The following HTR1F variants were observed in gnomAD, a reference collection of about 807,000 sequenced individuals.
HTR1F encodes the protein 5-hydroxytryptamine (serotonin) receptor 1F, G protein-coupled.
A neutral mutation model predicts 24.0 loss-of-function variants in HTR1F; 17 were observed. That is an observed-to-expected ratio of 0.71 (90% CI 0.48 to 1.06). The LOEUF (loss-of-function observed/expected upper bound fraction) is 1.06. Ranked by LOEUF, HTR1F falls within the 50% of genes least tolerant of loss-of-function variation. HTR1F has a pLI of 0.00. For synonymous variants in HTR1F, 186 were observed against 156.8 expected, an observed-to-expected ratio of 1.19 and a Z score of -1.39; for missense variants, 391 against 427.8, an observed-to-expected ratio of 0.91 and a Z score of 0.76.
At position 87,914,871 on chromosome 3, in the gene HTR1F, T is replaced by C. The variant is rs530389007; in HGVS notation, c.-42-75837T>C. Among the ~76,000 whole-genome samples, 44 of 152,134 alleles carry C rather than the reference T, an allele frequency of 2.9e-4. No individual in the cohort carries two copies. In the South Asian group the frequency reaches 9.1e-3, roughly 32 times the overall value. On this transcript the variant is annotated intron_variant, in intron 2 of 2. Transcript: ENST00000319595. ...ATGCTCTCTGGAAAGCACCACCCCCTGGCAGGAGGCCAGCCAGCACAAAAA... is the reference window on the plus strand; with the variant it reads ...ATGCTCTCTGGAAAGCACCACCCCCCGGCAGGAGGCCAGCCAGCACAAAAA...
At chr3:87,861,488 A>C (rs1393268015) in intron 2 of HTR1F, among the ~76,000 whole-genome samples, 1 of 152,174 alleles carries the variant, frequency 6.6e-6, no homozygotes, top group Non-Finnish European at 1.5e-5. Flanking sequence ...ATGCTTTTAC[A>C]AGGACTGTAT....
intron 2 of HTR1F, among the ~76,000 whole-genome samples, chr3:87,878,091 A>G (rs965635184): frequency 6.6e-6 from 1 of 152,214 alleles, no homozygotes; most frequent in African/African-American, 2.4e-5. Context: ...TTAAGTTTAA[A>G]TAGATTGAGA....
At chr3:87,821,805 T>C (rs973262824) in intron 1 of HTR1F, among the ~76,000 whole-genome samples, 1 of 152,102 alleles carries the variant, frequency 6.6e-6, no homozygotes, top group Non-Finnish European at 1.5e-5. Flanking sequence ...CTATTACAGC[T>C]GATCTTCATC....
intron 2 of HTR1F, among the ~76,000 whole-genome samples, chr3:87,938,676 C>A (rs1260765564): frequency 6.6e-6 from 1 of 152,086 alleles, no homozygotes; most frequent in African/African-American, 2.4e-5. Flanking sequence ...GTGACAAAAA[C>A]AAGAAATGGG....
At chr3:87,923,919 A>T (rs954128943) in intron 2 of HTR1F, among the ~76,000 whole-genome samples, 5 of 151,992 alleles carry the variant, frequency 3.3e-5, no homozygotes, top group African/African-American at 1.2e-4. Flanking sequence ...GGATGTTTGC[A>T]TCTCTGTTCA....
chr3:87,946,186 C>T lies in HTR1F; in HGVS notation c.-42-44522C>T, dbSNP rs182761963. Reference sequence around the variant, plus strand: ...GCGCATCGCTGGATCAGGAGCACAGCGGACACCCTGCCGGATCCAGAGGGG... The same window carrying T: ...GCGCATCGCTGGATCAGGAGCACAGTGGACACCCTGCCGGATCCAGAGGGG... On this transcript the variant is annotated intron_variant, in intron 2 of 2. Transcript: ENST00000319595. Among the ~76,000 whole-genome samples the T allele has an allele frequency of 5.3e-5, 8 of 152,284 alleles. No homozygotes were observed. In the South Asian group the frequency reaches 8.3e-4, roughly 16 times the overall value.
At chr3:87,945,845 C>T (rs112553175) in intron 2 of HTR1F, among the ~76,000 whole-genome samples, 121 of 151,942 alleles carry the variant, frequency 8.0e-4, no homozygotes, top group Middle Eastern at 6.8e-3. Flanking sequence ...CCTTCTTGGT[C>T]GCCAAAATGT....
At chr3:87,986,555 AATT>A (rs1279700132) in intron 2 of HTR1F, among the ~76,000 whole-genome samples, 6 of 152,174 alleles carry the variant, frequency 3.9e-5, no homozygotes, top group Non-Finnish European at 4.4e-5. Flanking sequence ...AAATCCATTG[AATT>A]ATCAACCAAT....
intron 2 of HTR1F, among the ~76,000 whole-genome samples, chr3:87,969,869 T>C (rs1460778883): frequency 1.3e-5 from 2 of 152,144 alleles, no homozygotes; most frequent in East Asian, 3.9e-4. Context: ...AATTGAATCA[T>C]GGGGGCACAT....
intron 2 of HTR1F, among the ~76,000 whole-genome samples, chr3:87,870,039 T>C (rs917829259): frequency 6.6e-6 from 1 of 152,100 alleles, no homozygotes; most frequent in Non-Finnish European, 1.5e-5. Context: ...TTGCTACATA[T>C]AAAATGCAAT....
At chr3:87,977,576 T>G (rs1705425705) in intron 2 of HTR1F, among the ~76,000 whole-genome samples, 1 of 150,366 alleles carries the variant, frequency 6.7e-6, no homozygotes, top group Admixed American at 6.6e-5. Flanking sequence ...TTTTTTTCTT[T>G]TTTTTTTTTC....
intron 2 of HTR1F, among the ~76,000 whole-genome samples, chr3:87,882,896 A>G (rs1256721521): frequency 2.0e-5 from 3 of 152,186 alleles, no homozygotes; most frequent in Non-Finnish European, 4.4e-5. Context: ...AAGGCAGCAG[A>G]CAACTTCTGC....
chr3:87,801,109 A>G (rs990338983), intron 1 of HTR1F, among the ~76,000 whole-genome samples: 4 of 152,188 alleles, frequency 2.6e-5, no homozygotes, highest in African/African-American at 9.6e-5. Context: ...TCAAACTTTC[A>G]TCTATTTCAA....
At position 87,990,901 on chromosome 3, in the gene HTR1F, C is replaced by A; in HGVS notation, c.152C>A (p.Thr51Asn). The change falls in exon 3 of 3, where the codon ACC (threonine) becomes AAC (asparagine). Residue 51 changes from threonine to asparagine, a missense_variant. Thr to Asn is a moderately conservative substitution (Grantham distance 65). Coordinates refer to ENST00000319595, the MANE Select transcript of HTR1F (RefSeq NM_001322209.2). ...CTTGTGATCGCTGCAATTATTGTGA[C>A]CCGGAAGCTGCACCATCCAGCCAAT... ...NSLVIAAIIVTRKLHHPANYL... is the reference protein window; with the variant it reads ...NSLVIAAIIVNRKLHHPANYL... 6.2e-7 allele frequency: 1 copy of A among 1,614,150 alleles called. No homozygotes were observed. Among genetic ancestry groups the A allele is most frequent in the Non-Finnish European group, 8.5e-7 (1 of 1,180,030 alleles).
intron 2 of HTR1F, among the ~76,000 whole-genome samples, chr3:87,841,535 TA>T (rs1229612435): frequency 1.3e-5 from 2 of 151,834 alleles, no homozygotes; most frequent in African/African-American, 4.9e-5. Context: ...GCAACTAGTT[TA>T]AAGAAAATGC....
chr3:87,890,030 G>A (rs1331944317), intron 2 of HTR1F, among the ~76,000 whole-genome samples: 1 of 152,166 alleles, frequency 6.6e-6, no homozygotes, highest in Non-Finnish European at 1.5e-5. Context: ...GGAAAGTTTA[G>A]AACCCTGTGT....
At chr3:87,954,071 G>C (rs1704892419) in intron 2 of HTR1F, among the ~76,000 whole-genome samples, 1 of 151,688 alleles carries the variant, frequency 6.6e-6, no homozygotes, top group Admixed American at 6.6e-5. Context: ...ACAGCATAGA[G>C]AGGTAGGTTA....
At chr3:87,978,890 GAGGAAGGAAGGAAGGAAGGA>G (rs1184108024) in intron 2 of HTR1F, among the ~76,000 whole-genome samples, 2 of 46,136 alleles carry the variant, frequency 4.3e-5, no homozygotes, top group African/African-American at 1.6e-4. Flanking sequence ...GGGAGGGAGG[GAGGAAGGAAGGAAGGAAGGA>G]AGGAAGGAAG....
intron 2 of HTR1F, among the ~76,000 whole-genome samples, chr3:87,928,014 A>G (rs1576042110): frequency 6.6e-6 from 1 of 151,418 alleles, no homozygotes; most frequent in African/African-American, 2.4e-5. Context: ...GCCTTAAATT[A>G]CCTGTACTAA....
Sources: gnomAD v4.1 joint callset for allele counts (sites outside exome capture counted in the v4.1 genomes callset) on GRCh38, gnomAD v4.1.1 for gene constraint, MANE v1.5 for transcripts, NCBI Gene and HGNC (gene_info 2026-07-23, HGNC 2026-07-21) for gene names.